CSMD1: variants seen among roughly 807,000 people sequenced by gnomAD.
CSMD1 encodes CUB and Sushi multiple domains 1.
Under a neutral mutation model 417.5 loss-of-function variants are expected in CSMD1, and 213 were observed. The ratio of observed to expected loss-of-function variants is 0.51; its 90% CI spans 0.46 to 0.57. The LOEUF is 0.57. Ranked by LOEUF, CSMD1 falls within the 20% of genes least tolerant of loss-of-function variation. The pLI, the probability that CSMD1 is intolerant of heterozygous loss-of-function variation, is 0.00. For missense variants in CSMD1, 6,923 were observed against 4,529.7 expected (o/e 1.53, Z -15.17); for synonymous variants, 2,862 against 1,736.8 (o/e 1.65, Z -16.11).
chr8:4,337,444 A>C (rs1006553355), intron 3 of CSMD1, among the ~76,000 whole-genome samples: 1 of 152,014 alleles, frequency 6.6e-6, no homozygotes, highest in Non-Finnish European at 1.5e-5. Context: ...GTTAAATCTA[A>C]ATGTCTTTGC....
intron 1 of CSMD1, among the ~76,000 whole-genome samples, chr8:4,874,660 G>T (rs184894035): frequency 4.1e-4 from 62 of 151,730 alleles, no homozygotes; most frequent in Admixed American, 3.5e-3. Flanking sequence ...CAGAGTCCTG[G>T]GATCAGTTGG....
chr8:4,895,451 G>C (rs1804421964), intron 1 of CSMD1, among the ~76,000 whole-genome samples: 1 of 152,032 alleles, frequency 6.6e-6, no homozygotes, highest in African/African-American at 2.4e-5. Context: ...TATCAACATT[G>C]TTATTCTGCT....
At chr8:3,878,662 G>T (rs1805997262) in intron 5 of CSMD1, among the ~76,000 whole-genome samples, 1 of 152,130 alleles carries the variant, frequency 6.6e-6, no homozygotes, top group African/African-American at 2.4e-5. Context: ...CAAATAAGTA[G>T]TTTCATATTC....
At chr8:3,923,555 T>C (rs1195011964) in intron 5 of CSMD1, among the ~76,000 whole-genome samples, 2 of 152,184 alleles carry the variant, frequency 1.3e-5, no homozygotes, top group African/African-American at 4.8e-5. Context: ...CAGGATACAC[T>C]GTGAAATAAT....
chr8:4,816,434 G>A (rs1468805445), intron 1 of CSMD1, among the ~76,000 whole-genome samples: 1 of 152,016 alleles, frequency 6.6e-6, no homozygotes, highest in East Asian at 1.9e-4. Context: ...CACCATGTTG[G>A]CCAGGCTCGT....
At chr8:4,554,175 C>T (rs1202383029) in intron 2 of CSMD1, among the ~76,000 whole-genome samples, 2 of 152,116 alleles carry the variant, frequency 1.3e-5, no homozygotes, top group Admixed American at 6.6e-5. Context: ...CTCGATCTGT[C>T]GCCCAGGCTG....
intron 2 of CSMD1, among the ~76,000 whole-genome samples, chr8:4,555,897 T>C (rs1165766814): frequency 2.0e-5 from 3 of 152,312 alleles, no homozygotes; most frequent in Middle Eastern, 3.4e-3. Context: ...AAGTCAAGTG[T>C]ATCTTTACTG....
At chr8:4,223,424 G>T (rs566195027) in intron 3 of CSMD1, among the ~76,000 whole-genome samples, 1 of 152,222 alleles carries the variant, frequency 6.6e-6, no homozygotes, top group Non-Finnish European at 1.5e-5. Flanking sequence ...TCATCGCCAG[G>T]GATACGTGAC....
chr8:4,188,380 A>C (rs1170509203), intron 3 of CSMD1, among the ~76,000 whole-genome samples: 2 of 152,194 alleles, frequency 1.3e-5, no homozygotes, highest in African/African-American at 4.8e-5. Context: ...GCATAATAGC[A>C]AACAACACAG....
At chr8:3,741,417 C>G (rs1024131718) in intron 6 of CSMD1, among the ~76,000 whole-genome samples, 3 of 152,030 alleles carry the variant, frequency 2.0e-5, no homozygotes, top group African/African-American at 4.8e-5. Context: ...TCCCATCCAG[C>G]TTCTGAAGTT....
At chr8:3,817,843 A>C (rs17067634) in intron 5 of CSMD1, among the ~76,000 whole-genome samples, 28 of 151,890 alleles carry the variant, frequency 1.8e-4, no homozygotes, top group Admixed American at 3.9e-4. Context: ...CAGCTTTCCC[A>C]GAGTCCAGAG....
chr8:3,497,775 T>A (rs1056106836), intron 10 of CSMD1, among the ~76,000 whole-genome samples: 1 of 152,224 alleles, frequency 6.6e-6, no homozygotes, highest in African/African-American at 2.4e-5. Context: ...GTTCTGGTTG[T>A]TTTGCACATC....
intron 26 of CSMD1, among the ~76,000 whole-genome samples, chr8:3,260,309 C>T (rs1800960601): frequency 4.6e-5 from 7 of 152,040 alleles, no homozygotes; most frequent in Admixed American, 4.6e-4. Flanking sequence ...GTGAGGCTCC[C>T]TGGCTTTGGG....
chr8:3,988,228 A>C (rs947560580), intron 5 of CSMD1, among the ~76,000 whole-genome samples: 1 of 152,142 alleles, frequency 6.6e-6, no homozygotes, highest in African/African-American at 2.4e-5. Flanking sequence ...TCTGAAACTC[A>C]ATATTGAACC....
chr8:4,217,358 T>G (rs1330896011), intron 3 of CSMD1, among the ~76,000 whole-genome samples: 1 of 152,184 alleles, frequency 6.6e-6, no homozygotes, highest in Non-Finnish European at 1.5e-5. Context: ...TCAACTATAT[T>G]TTCTCTAATA....
intron 37 of CSMD1, among the ~76,000 whole-genome samples, chr8:3,170,969 G>A (rs1235446776): frequency 6.6e-6 from 1 of 152,174 alleles, no homozygotes; most frequent in African/African-American, 2.4e-5. Flanking sequence ...TTGAACCACT[G>A]AAGGATTTTT....
At chr8:4,541,255 G>C (rs1198722432) in intron 2 of CSMD1, among the ~76,000 whole-genome samples, 1 of 152,184 alleles carries the variant, frequency 6.6e-6, no homozygotes, top group African/African-American at 2.4e-5. Flanking sequence ...GAGTGAGCCA[G>C]TTCGTCTCTC....
At chr8:4,300,522 A>C (rs1167717780) in intron 3 of CSMD1, among the ~76,000 whole-genome samples, 1 of 152,164 alleles carries the variant, frequency 6.6e-6, no homozygotes, top group Non-Finnish European at 1.5e-5. Flanking sequence ...TGTCCTTTAC[A>C]GACTTTTTTT....
chr8:3,538,624 A>G (rs955131566), intron 10 of CSMD1, among the ~76,000 whole-genome samples: 18 of 152,356 alleles, frequency 1.2e-4, no homozygotes, highest in African/African-American at 4.3e-4. Flanking sequence ...CCACCACTCA[A>G]CAAAGGTATA....
Sources: gnomAD v4.1 joint callset for allele counts (sites outside exome capture counted in the v4.1 genomes callset) on GRCh38, gnomAD v4.1.1 for gene constraint, MANE v1.5 for transcripts, NCBI Gene and HGNC (gene_info 2026-07-23, HGNC 2026-07-21) for gene names.